The following DDX46 variants were observed in gnomAD, a reference collection of about 807,000 sequenced individuals.
The protein encoded by DDX46 is probable ATP-dependent RNA helicase DDX46.
A neutral mutation model predicts 134.9 loss-of-function variants in DDX46; 30 were observed. The observed-to-expected ratio is 0.22, with a 90% confidence interval of 0.17 to 0.30. DDX46 has a LOEUF of 0.30. DDX46 is among the 10% of genes least tolerant of loss of function. DDX46 has a pLI of 1.00. For synonymous variants in DDX46, 415 were observed against 404.1 expected, an observed-to-expected ratio of 1.03 and a Z score of -0.32; for missense variants, 622 against 1,248.7, an observed-to-expected ratio of 0.50 and a Z score of 7.56.
intron 1 of DDX46, among the ~76,000 whole-genome samples, chr5:134,761,326 A>G (rs1165246944): frequency 2.6e-5 from 4 of 152,114 alleles, no homozygotes; most frequent in African/African-American, 4.8e-5. Context: ...TGCCCAGCCA[A>G]TTGGTGTTTT....
At chr5:134,823,503 A>G (rs759128558) in intron 21 of DDX46, among the ~76,000 whole-genome samples, 2 of 152,172 alleles carry the variant, frequency 1.3e-5, no homozygotes, top group Admixed American at 1.3e-4. Context: ...AGTTTCATAC[A>G]TATTTTTAAA....
At chr5:134,828,454 T>G (rs1392278061) in intron 22 of DDX46, among the ~76,000 whole-genome samples, 7 of 152,204 alleles carry the variant, frequency 4.6e-5, no homozygotes, top group African/African-American at 1.7e-4. Flanking sequence ...AGAGAATTCA[T>G]TAGTTATTGA....
intron 3 of DDX46, among the ~76,000 whole-genome samples, chr5:134,769,326 G>GT (rs1561851828): frequency 5.8e-4 from 78 of 135,338 alleles, no homozygotes; most frequent in African/African-American, 2.2e-3. Flanking sequence ...ATATTTTCAA[G>GT]GTTTTTTTTT....
At chr5:134,824,920 G>A (rs1755550606) in intron 21 of DDX46, among the ~76,000 whole-genome samples, 1 of 152,186 alleles carries the variant, frequency 6.6e-6, no homozygotes, top group African/African-American at 2.4e-5. Context: ...TAGTCAGCCT[G>A]TATAATTTAT....
In DDX46 at chr5:134,773,776, A is replaced by G; in HGVS notation, c.528A>G (p.Lys176=). 6.2e-7 allele frequency: 1 copy of G among 1,613,472 alleles called. No individual in the cohort carries two copies. The highest frequency in any genetic ancestry group is 8.5e-7 in the Non-Finnish European group (1 of 1,179,796). The change falls in exon 5 of 23, where the codon AAA becomes AAG. Residue 176 remains lysine (K), a synonymous_variant. Transcript: ENST00000452510. Reference sequence around the variant, plus strand: ...AAAAATGGCGAGAAGAGCAACGTAAAAAGGCTATGGAAAACATAGGAGAAC... The same window carrying G: ...AAAAATGGCGAGAAGAGCAACGTAAGAAGGCTATGGAAAACATAGGAGAAC... ...RVEKWREEQR[K]KAMENIGELK...
intron 2 of DDX46, among the ~76,000 whole-genome samples, chr5:134,766,583 T>C (rs1320482852): frequency 4.0e-5 from 6 of 149,650 alleles, no homozygotes; most frequent in Admixed American, 4.0e-4. Context: ...TAGCCGGGCA[T>C]GGTGATGCAC....
At chr5:134,799,173 T>G (rs1339096512) in intron 15 of DDX46, among the ~76,000 whole-genome samples, 3 of 152,166 alleles carry the variant, frequency 2.0e-5, no homozygotes, top group African/African-American at 7.2e-5. Flanking sequence ...TACATTTGTT[T>G]ATGATTTTTT....
chr5:134,819,080 G>A, intron 21 of DDX46, 76 bp downstream of exon 21: 2 of 1,510,850 alleles, frequency 1.3e-6, no homozygotes, highest in Non-Finnish European at 8.9e-7. Context: ...CAAAGAGCAT[G>A]TGAGGTCAAT....
intron 3 of DDX46, among the ~76,000 whole-genome samples, chr5:134,768,887 C>T (rs889554394): frequency 3.9e-5 from 6 of 151,992 alleles, no homozygotes; most frequent in African/African-American, 7.3e-5. Context: ...GGTGAAACCT[C>T]GTCTTTACTA....
intron 15 of DDX46, among the ~76,000 whole-genome samples, chr5:134,802,744 T>C (rs1754870288): frequency 6.6e-6 from 1 of 152,162 alleles, no homozygotes. Flanking sequence ...TGTCAGTCTC[T>C]ATTGACTGTC....
Position 134,790,507 on chromosome 5 carries a change from T to G in DDX46, c.1581T>G (p.Val527=), listed in dbSNP as rs1386453776. ...VTNLRRVTYV[V]LDEADRMFDM... ...ATCTTCGAAGAGTGACATATGTTGTTTTAGATGAAGCAGACAGAATGTTTG... is the reference window on the plus strand; with the variant it reads ...ATCTTCGAAGAGTGACATATGTTGTGTTAGATGAAGCAGACAGAATGTTTG... Residue 527 remains valine, a synonymous_variant, in exon 13 of 23, where the codon GTT becomes GTG. Coordinates refer to ENST00000452510, the MANE Select transcript of DDX46 (RefSeq NM_001300860.2). 6.2e-7 allele frequency: 1 copy of G among 1,613,376 alleles called. No individual in the cohort carries two copies. The highest frequency in any genetic ancestry group is 2.2e-5 in the East Asian group (1 of 44,852).
rs548469698 is a variant in DDX46 at position 134,791,656 on chromosome 5, A to G, written c.1626+1104A>G. Reference sequence around the variant, plus strand: ...CAAAAAATGAATAAAAAAGGATTATAAGAGACCATAGTAATGGAAATGTGC... The same window carrying G: ...CAAAAAATGAATAAAAAAGGATTATGAGAGACCATAGTAATGGAAATGTGC... On this transcript the variant is annotated intron_variant, in intron 13 of 22. Transcript: ENST00000452510. 2.0e-5 allele frequency among the ~76,000 whole-genome samples: 3 copies of G among 152,326 alleles called. No homozygotes were observed. In the South Asian group the frequency reaches 6.2e-4, roughly 32 times the overall value.
intron 9 of DDX46, 122 bp downstream of exon 9, chr5:134,783,187 C>A: frequency 2.3e-6 from 3 of 1,316,106 alleles, no homozygotes; most frequent in Non-Finnish European, 3.1e-6. Flanking sequence ...AAAAAACTTT[C>A]ATTGAGATAA....
intron 21 of DDX46, 80 bp from the exon 22 acceptor site, chr5:134,826,867 T>G: frequency 7.0e-7 from 1 of 1,420,396 alleles, no homozygotes. Context: ...CTACAGTGTT[T>G]CTTCCTGGAC....
chr5:134,830,815 A>G lies in DDX46; in HGVS notation c.*2109A>G, dbSNP rs1206754508. 1 of 152,592 alleles carries G rather than the reference A, an allele frequency of 6.6e-6. No individual in the cohort carries two copies. The highest frequency in any genetic ancestry group is 1.5e-5 in the Non-Finnish European group (1 of 68,026). 9.5% of individuals were successfully genotyped at this position (152,592 alleles called of 1,614,324 possible). ...TTGCTCATCTTTATCACCTAATGGT[A>G]GTTTGTTTTCTTTGGTAGAGTATAT... On this transcript the variant is annotated 3_prime_UTR_variant, in exon 23 of 23. Coordinates refer to ENST00000452510, the MANE Select transcript of DDX46 (RefSeq NM_001300860.2).
At chr5:134,795,086 C>A in intron 14 of DDX46, 72 bp downstream of exon 14, 1 of 1,553,842 alleles carries the variant, frequency 6.4e-7, no homozygotes, top group South Asian at 1.2e-5. Flanking sequence ...TCTATGATCA[C>A]TGTTTGTGAG....
chr5:134,784,427 C>T lies in DDX46; in HGVS notation c.1228C>T (p.Arg410Ter), dbSNP rs1754268905. ...TQAIPAIMSG[R>*]DLIGIAKTGS... ...AGCTATTCCTGCTATAATGTCTGGACGAGATTTGATTGGCATTGCCAAAAC... is the reference window on the plus strand; with the variant it reads ...AGCTATTCCTGCTATAATGTCTGGATGAGATTTGATTGGCATTGCCAAAAC... The change falls in exon 10 of 23, where the codon CGA becomes TGA. Residue 410 changes from arginine to a stop codon, truncating the protein, a stop_gained. Coordinates refer to ENST00000452510, the MANE Select transcript of DDX46 (RefSeq NM_001300860.2). LOFTEE classifies it high-confidence loss of function. The T allele has an allele frequency of 6.2e-7, 1 of 1,613,978 alleles. No homozygotes were observed. The highest frequency in any genetic ancestry group is 8.5e-7 in the Non-Finnish European group (1 of 1,179,968).
At chr5:134,764,990 C>T (rs1009142817) in intron 2 of DDX46, among the ~76,000 whole-genome samples, 19 of 152,022 alleles carry the variant, frequency 1.2e-4, no homozygotes, top group African/African-American at 4.6e-4. Context: ...ACAAAGCAGA[C>T]CCTCTCCAAG....
chr5:134,790,949 C>T (rs532021119), intron 13 of DDX46, among the ~76,000 whole-genome samples: 3 of 151,890 alleles, frequency 2.0e-5, no homozygotes, highest in South Asian at 4.2e-4. Flanking sequence ...CTCAGCCTCC[C>T]GAGTACCTGG....
Sources: allele counts gnomAD v4.1 joint callset (sites outside exome capture counted in the v4.1 genomes callset), GRCh38; gene constraint gnomAD v4.1.1; transcripts MANE v1.5; gene names NCBI Gene and HGNC (gene_info 2026-07-23, HGNC 2026-07-21).